The following WARS2 variants were observed in gnomAD, a reference collection of about 807,000 sequenced individuals.
WARS2 encodes tryptophan--tRNA ligase, mitochondrial.
WARS2 carries 28 observed loss-of-function variants against 36.5 expected under a neutral mutation model. The observed-to-expected ratio is 0.77, with a 90% CI of 0.57 to 1.05. WARS2 has a LOEUF of 1.05. WARS2 is among the 50% of genes least tolerant of loss of function. The pLI is 0.00. For synonymous variants in WARS2, 174 were observed against 178.4 expected (o/e 0.98, Z 0.20); for missense variants, 435 against 456.8 (o/e 0.95, Z 0.44).
chr1:119,131,746 C>A (rs1656131375), intron 1 of WARS2, among the ~76,000 whole-genome samples: 1 of 152,032 alleles, frequency 6.6e-6, no homozygotes, highest in Non-Finnish European at 1.5e-5. Context: ...CAGGCGTGAG[C>A]CACAGCGCCG....
At chr1:119,078,371 C>T (rs1344047489) in intron 1 of WARS2, among the ~76,000 whole-genome samples, 1 of 152,054 alleles carries the variant, frequency 6.6e-6, no homozygotes, top group East Asian at 1.9e-4. Flanking sequence ...AGTAGAATTG[C>T]CGAGTCATAA....
chr1:119,034,796 T>TGTA (rs1647732144), intron 4 of WARS2, among the ~76,000 whole-genome samples: 1 of 152,182 alleles, frequency 6.6e-6, no homozygotes, highest in African/African-American at 2.4e-5. Flanking sequence ...ATAAGTACAA[T>TGTA]GTAGATGGCT....
intron 1 of WARS2, among the ~76,000 whole-genome samples, chr1:119,138,092 T>C (rs778960350): frequency 6.6e-6 from 1 of 152,192 alleles, no homozygotes; most frequent in Non-Finnish European, 1.5e-5. Context: ...GAACCATTCA[T>C]ATGATAAATA....
chr1:119,035,615 T>C (rs1340847164), intron 4 of WARS2, among the ~76,000 whole-genome samples: 2 of 152,168 alleles, frequency 1.3e-5, no homozygotes, highest in African/African-American at 2.4e-5. Context: ...AGGGGTACAC[T>C]GACTTTTTTC....
chr1:119,135,086 T>C (rs982640073), intron 1 of WARS2, among the ~76,000 whole-genome samples: 1 of 152,218 alleles, frequency 6.6e-6, no homozygotes, highest in Non-Finnish European at 1.5e-5. Context: ...TTAAGATCAA[T>C]AGAATACTGT....
At chr1:119,127,347 G>C in intron 1 of WARS2, 2 of 447,560 alleles carry the variant, frequency 4.5e-6, no homozygotes, top group Non-Finnish European at 8.3e-6. Flanking sequence ...CTGTTTTACA[G>C]ATGAAAAAAA....
chr1:119,123,146 T>C (rs587757911), intron 1 of WARS2, among the ~76,000 whole-genome samples: 22 of 152,338 alleles, frequency 1.4e-4, no homozygotes, highest in Non-Finnish European at 2.5e-4. Context: ...AATACACTTA[T>C]AGAAACAAAG....
chr1:119,119,220 G>A (rs1262492985), intron 1 of WARS2, among the ~76,000 whole-genome samples: 2 of 151,764 alleles, frequency 1.3e-5, no homozygotes, highest in Non-Finnish European at 2.9e-5. Flanking sequence ...GTAAAGGAGT[G>A]GAAAAAAGAT....
rs376314924 is a variant in WARS2, at chr1:119,057,182, T to G, written c.349-11520A>C. On this transcript the variant is annotated intron_variant, in intron 2 of 5. Coordinates refer to ENST00000235521, the MANE Select transcript of WARS2 (RefSeq NM_015836.4). ...TCATTTTTGAGATGGAGTCTTGCAC[T>G]GTCGCCCAGGCTGGAGTCAGTGGCA... Among the ~76,000 whole-genome samples the G allele has an allele frequency of 2.2e-4, 34 of 152,204 alleles. 2 individuals carry two copies. The East Asian group carries it at 3.9e-3, about 17-fold the overall frequency.
chr1:119,042,348 G>T lies in WARS2; in HGVS notation c.431C>A (p.Ala144Glu). 3 of 1,613,524 alleles carry T rather than the reference G, an allele frequency of 1.9e-6. No homozygotes were observed. Among genetic ancestry groups the T allele is most frequent in the Non-Finnish European group, 2.5e-6 (3 of 1,179,682 alleles). ...PRLQHLHQWKAKTTKQKHDGT... is the reference protein window; with the variant it reads ...PRLQHLHQWKEKTTKQKHDGT... ...ATCGTGCTTCTGCTTGGTAGTCTTTGCCTGTGAGAGGTGAAAAGAGAGGAG... is the reference window on the plus strand; with the variant it reads ...ATCGTGCTTCTGCTTGGTAGTCTTTTCCTGTGAGAGGTGAAAAGAGAGGAG... Residue 144 changes from alanine (A) to glutamate (E), a missense_variant and splice_region_variant, in exon 4 of 6, where the codon GCA becomes GAA. Coordinates refer to ENST00000235521, the MANE Select transcript of WARS2 (RefSeq NM_015836.4).
intron 2 of WARS2, among the ~76,000 whole-genome samples, chr1:119,047,800 T>A (rs961493938): frequency 6.6e-6 from 1 of 152,180 alleles, no homozygotes; most frequent in Non-Finnish European, 1.5e-5. Flanking sequence ...TATAACCCGA[T>A]TAGCCACAGA....
chr1:119,076,196 A>G (rs975869529), intron 2 of WARS2, among the ~76,000 whole-genome samples, 154 bp downstream of exon 2: 2 of 152,234 alleles, frequency 1.3e-5, no homozygotes, highest in Non-Finnish European at 2.9e-5. Context: ...TATAAATACA[A>G]GTAAAACATT....
At chr1:119,038,961 C>T (rs755472255) in intron 4 of WARS2, among the ~76,000 whole-genome samples, 15 of 152,306 alleles carry the variant, frequency 9.8e-5, no homozygotes, top group Admixed American at 2.0e-4. Flanking sequence ...GGATTACAGG[C>T]GTGAGCCACT....
rs376079077 is a variant in WARS2 at position 119,056,426 on chromosome 1, TAAC to T, written c.349-10767_349-10765del. Among the ~76,000 whole-genome samples the T allele has an allele frequency of 7.7e-3, 1,165 of 150,726 alleles. 16 individuals are homozygous for T. The highest frequency in any genetic ancestry group is 0.027 in the African/African-American group (1,108 of 41,276). On this transcript the variant is annotated intron_variant, in intron 2 of 5. Transcript: ENST00000235521. ...CTTTCCTTCTTTCTTTTGGTTCATA[TAAC>T]AACATCCTACGAGCCTATTCATTTA...
intron 1 of WARS2, among the ~76,000 whole-genome samples, chr1:119,102,892 T>A (rs888584288): frequency 6.6e-6 from 1 of 152,258 alleles, no homozygotes; most frequent in African/African-American, 2.4e-5. Context: ...ATTATCATCC[T>A]ATAAAACACT....
rs771989979 is a variant in WARS2 at position 119,033,337 on chromosome 1, G to A, written c.657C>T (p.Ser219=). 3 of 1,614,142 alleles carry A rather than the reference G, an allele frequency of 1.9e-6. No homozygotes were observed. The highest frequency in any genetic ancestry group is 3.3e-4 in the Middle Eastern group (2 of 6,062). The change falls in exon 6 of 6, where the codon TCC becomes TCT. Residue 219 remains serine, a synonymous_variant. Coordinates refer to ENST00000235521, the MANE Select transcript of WARS2 (RefSeq NM_015836.4). ...ACATTTTGGCAGAAGGATCACGTAG[G>A]GATTTTACCTTCTTCATGGATGCTA... ...SILTSMKKVK[S]LRDPSAKMSK...
intron 1 of WARS2, among the ~76,000 whole-genome samples, chr1:119,093,873 A>T (rs983900446): frequency 6.6e-6 from 1 of 152,186 alleles, no homozygotes; most frequent in Non-Finnish European, 1.5e-5. Context: ...TTCTGTCAGA[A>T]ATTCACATCC....
At chr1:119,061,988 C>A (rs1392745121) in intron 2 of WARS2, among the ~76,000 whole-genome samples, 2 of 152,126 alleles carry the variant, frequency 1.3e-5, no homozygotes, top group Non-Finnish European at 2.9e-5. Flanking sequence ...AGTATAGTGA[C>A]CCTTGTAACT....
chr1:119,112,097 T>A (rs1446601641), intron 1 of WARS2, among the ~76,000 whole-genome samples: 2 of 152,054 alleles, frequency 1.3e-5, no homozygotes, highest in East Asian at 3.9e-4. Flanking sequence ...TAATTTTGTA[T>A]TTTTAGTAGA....
Sources: gnomAD v4.1 joint callset for allele counts (sites outside exome capture counted in the v4.1 genomes callset) on GRCh38, gnomAD v4.1.1 for gene constraint, MANE v1.5 for transcripts, NCBI Gene and HGNC (gene_info 2026-07-23, HGNC 2026-07-21) for gene names.